Variants in TRIM49D1 observed in about 807,000 individuals in gnomAD.
TRIM49D1 encodes the protein tripartite motif containing 49D1.
chr11:89,920,216 GATAA>G (rs1950323704), intron 2 of TRIM49D1, 79 bp downstream of exon 2: 2 of 20,968 alleles, frequency 9.5e-5, no homozygotes, highest in South Asian at 7.3e-4. Flanking sequence ...GTAGATTTAA[GATAA>G]TGAGATATTT....
Position 89,911,522 on chromosome 11 carries a change from GA to G in TRIM49D1, c.*64del. On this transcript the variant is annotated 3_prime_UTR_variant, in exon 8 of 8. Coordinates refer to ENST00000420869, the MANE Select transcript of TRIM49D1 (RefSeq NM_001384911.1). Reference sequence around the variant, plus strand: ...TTTGTCCTGTTTGATAAGGCACAAGGAAGAGGGCTTTCTGGGATAAAGGGGT... The same window carrying G: ...TTTGTCCTGTTTGATAAGGCACAAGGAGAGGGCTTTCTGGGATAAAGGGGT... 1 of 563,376 alleles carries G rather than the reference GA, an allele frequency of 1.8e-6. No homozygotes were observed. The highest frequency in any genetic ancestry group is 3.1e-6 in the Non-Finnish European group (1 of 318,036). The allele number at this position is 563,376 out of a possible 1,614,324, so 34.9% of individuals were successfully genotyped here.
intron 1 of TRIM49D1, 38 bp downstream of exon 1, chr11:89,921,813 CT>C (rs1459556160): frequency 6.6e-6 from 1 of 151,998 alleles, no homozygotes. Flanking sequence ...ATGCCTATGT[CT>C]TTCTTTAAGG....
At chr11:89,921,773 C>G (rs1215689746) in intron 1 of TRIM49D1, 79 bp downstream of exon 1, 3 of 151,968 alleles carry the variant, frequency 2.0e-5, no homozygotes, top group Non-Finnish European at 4.4e-5. Flanking sequence ...GATTACAGTC[C>G]CATTCGCTAT....
rs942496729 is a variant in TRIM49D1, at chr11:89,922,227, G to A, written c.-591C>T. On this transcript the variant is annotated 5_prime_UTR_variant, in exon 1 of 8. Coordinates refer to ENST00000420869, the MANE Select transcript of TRIM49D1 (RefSeq NM_001384911.1). Reference sequence around the variant, plus strand: ...TGTAATGCTCAGGGGCCAGACAGTCGGCTGCAGCAGCACAGCCTCATCCAG... The same window carrying A: ...TGTAATGCTCAGGGGCCAGACAGTCAGCTGCAGCAGCACAGCCTCATCCAG... Among the ~76,000 whole-genome samples, 38 of 151,978 alleles carry A rather than the reference G, an allele frequency of 2.5e-4. No homozygotes were observed. The highest frequency in any genetic ancestry group is 8.5e-4 in the African/African-American group (35 of 41,396).
At chr11:89,921,527 T>G (rs1453335894) in intron 1 of TRIM49D1, 2 of 152,026 alleles carry the variant, frequency 1.3e-5, no homozygotes, top group African/African-American at 2.4e-5. Flanking sequence ...GACAAATCTG[T>G]CAGCCCTATG....
At chr11:89,920,901 GT>G (rs1174995141) in intron 1 of TRIM49D1, among the ~76,000 whole-genome samples, 2 of 151,892 alleles carry the variant, frequency 1.3e-5, no homozygotes, top group Non-Finnish European at 2.9e-5. Flanking sequence ...CCTGGCTAAT[GT>G]TTTTTTAAAA....
intron 1 of TRIM49D1, among the ~76,000 whole-genome samples, chr11:89,920,816 T>C (rs563739788): frequency 6.6e-6 from 1 of 152,146 alleles, no homozygotes; most frequent in East Asian, 1.9e-4. Flanking sequence ...CACTGCAGCC[T>C]TGAATTCCAA....
intron 1 of TRIM49D1, among the ~76,000 whole-genome samples, chr11:89,921,265 C>A (rs1183375673): frequency 6.6e-6 from 1 of 151,888 alleles, no homozygotes; most frequent in African/African-American, 2.4e-5. Flanking sequence ...TCTGCCATGA[C>A]TAGAAATGCA....
rs550268506 is a variant in TRIM49D1, at chr11:89,921,067, A to C, written c.-215-558T>G. On this transcript the variant is annotated intron_variant, in intron 1 of 7. Coordinates refer to ENST00000420869, the MANE Select transcript of TRIM49D1 (RefSeq NM_001384911.1). Reference sequence around the variant, plus strand: ...AATGCTGCTTTAGTACATTTATAGGATATTCGAAGAGAAGTCCAACAGGAA... The same window carrying C: ...AATGCTGCTTTAGTACATTTATAGGCTATTCGAAGAGAAGTCCAACAGGAA... Among the ~76,000 whole-genome samples the C allele has an allele frequency of 3.6e-4, 55 of 152,208 alleles. 2 individuals are homozygous for C. The South Asian group carries it at 0.01, about 28-fold the overall frequency.
At chr11:89,921,046 C>T (rs1950328963) in intron 1 of TRIM49D1, among the ~76,000 whole-genome samples, 1 of 152,068 alleles carries the variant, frequency 6.6e-6, no homozygotes, top group Non-Finnish European at 1.5e-5. Context: ...GCCTTAAATG[C>T]TGCTTTAGTA....
intron 1 of TRIM49D1, 123 bp downstream of exon 1, chr11:89,921,729 G>A (rs2076861): frequency 0.87 from 132,107 of 151,986 alleles, 57,622 homozygotes; most frequent in African/African-American, 0.93. Context: ...AGGATTCAAA[G>A]CTTTGGTCCA....
rs1360325217 is a variant in TRIM49D1 at position 89,921,028 on chromosome 11, C to T, written c.-215-519G>A. Among the ~76,000 whole-genome samples, 2 of 152,096 alleles carry T rather than the reference C, an allele frequency of 1.3e-5. 1 individual carries two copies. Among genetic ancestry groups the T allele is most frequent in the East Asian group, 3.8e-4 (2 of 5,202 alleles). ...GCTTGGGAGTACAGGCATAAACCAC[C>T]TCATCCAGCCTTAAATGCTGCTTTA... is the stretch of plus-strand genomic sequence containing the variant. On this transcript the variant is annotated intron_variant, in intron 1 of 7. Transcript: ENST00000420869.
At chr11:89,920,684 A>T (rs1478272205) in intron 1 of TRIM49D1, among the ~76,000 whole-genome samples, 175 bp from the exon 2 acceptor site, 1 of 152,016 alleles carries the variant, frequency 6.6e-6, no homozygotes, top group Non-Finnish European at 1.5e-5. Flanking sequence ...CTGGAAATTA[A>T]CTAAGATGCA....
Position 89,921,991 on chromosome 11 carries a change from A to G in TRIM49D1, c.-355T>C, listed in dbSNP as rs139023669. Among the ~76,000 whole-genome samples, 450 of 152,080 alleles carry G rather than the reference A, an allele frequency of 3.0e-3. 5 individuals are homozygous for G. Among genetic ancestry groups the G allele is most frequent in the African/African-American group, 0.01 (418 of 41,414 alleles). On this transcript the variant is annotated 5_prime_UTR_variant, in exon 1 of 8. An upstream open reading frame in the 5' UTR loses its in-frame stop. Coordinates refer to ENST00000420869, the MANE Select transcript of TRIM49D1 (RefSeq NM_001384911.1). ...CCACAAAGTCCAGTTTCATTCTCCTACATGTGGCTTGCCAATTATCCCAGC... is the reference window on the plus strand; with the variant it reads ...CCACAAAGTCCAGTTTCATTCTCCTGCATGTGGCTTGCCAATTATCCCAGC...
At chr11:89,921,003 G>A (rs1950328643) in intron 1 of TRIM49D1, among the ~76,000 whole-genome samples, 1 of 152,056 alleles carries the variant, frequency 6.6e-6, no homozygotes, top group Non-Finnish European at 1.5e-5. Flanking sequence ...CTTCCAAAAT[G>A]CTTGGGAGTA....
intron 1 of TRIM49D1, chr11:89,921,586 C>G (rs1033156264): frequency 5.9e-5 from 9 of 151,890 alleles, no homozygotes; most frequent in African/African-American, 1.9e-4. Flanking sequence ...TATATGAATA[C>G]TTAGGGAGAT....
rs74378710 is a variant in TRIM49D1 at position 89,921,945 on chromosome 11, C to G, written c.-309G>C. Among the ~76,000 whole-genome samples the G allele has an allele frequency of 5.1e-4, 77 of 152,068 alleles. 1 individual carries two copies. In the East Asian group the frequency reaches 0.014, roughly 27 times the overall value. On this transcript the variant is annotated 5_prime_UTR_variant, in exon 1 of 8. Transcript: ENST00000420869. ...CCTACGTGAGTGTTTCATTGAATAA[C>G]AATAAGAAAGTTTGTCTATGCCACA...
chr11:89,921,154 A>C (rs1208880382), intron 1 of TRIM49D1, among the ~76,000 whole-genome samples: 4 of 152,082 alleles, frequency 2.6e-5, no homozygotes, highest in African/African-American at 9.7e-5. Context: ...AAATAACTCT[A>C]CTAATTTGAG....
chr11:89,920,636 A>G (rs1950326115), intron 1 of TRIM49D1, 127 bp from the exon 2 acceptor site: 3 of 374,966 alleles, frequency 8.0e-6, no homozygotes, highest in African/African-American at 4.2e-5. Context: ...ATTTAAATGA[A>G]TCATATGTAA....
Sources: allele counts gnomAD v4.1 joint callset (sites outside exome capture counted in the v4.1 genomes callset), GRCh38; gene constraint gnomAD v4.1.1; transcripts MANE v1.5; gene names NCBI Gene and HGNC (gene_info 2026-07-23, HGNC 2026-07-21).